TRIM66: variants seen among roughly 807,000 people sequenced by gnomAD.
The protein encoded by TRIM66 is tripartite motif-containing protein 66.
A neutral mutation model predicts 148.2 loss-of-function variants in TRIM66; 99 were observed. The observed-to-expected ratio is 0.67, with a 90% confidence interval of 0.57 to 0.79. The LOEUF is 0.79. TRIM66 is among the 30% of genes least tolerant of loss of function. TRIM66 has a pLI of 0.00. For synonymous variants in TRIM66, 616 were observed against 635.9 expected (o/e 0.97, Z 0.47); for missense variants, 1,666 against 1,697.9 (o/e 0.98, Z 0.33).
At chr11:8,681,364 A>T (rs980004579) in intron 1 of TRIM66, among the ~76,000 whole-genome samples, 1 of 151,894 alleles carries the variant, frequency 6.6e-6, no homozygotes. Context: ...CGATCTCCTG[A>T]CCTCGTGATC....
At chr11:8,618,533 C>G (rs1001312771) in intron 24 of TRIM66, among the ~76,000 whole-genome samples, 1 of 152,174 alleles carries the variant, frequency 6.6e-6, no homozygotes, top group Non-Finnish European at 1.5e-5. Context: ...TGGGCAGGGA[C>G]AGGCACCTTT....
Position 8,624,406 on chromosome 11 carries a change from G to A in TRIM66, c.2972C>T (p.Pro991Leu), listed in dbSNP as rs921461648. 9 of 1,551,462 alleles carry A rather than the reference G, an allele frequency of 5.8e-6. No individual in the cohort carries two copies. The highest frequency in any genetic ancestry group is 4.1e-5 in the African/African-American group (3 of 73,006). ...NLSVKKPPLA[P>L]VVSTSTALQQ... ...CAGAGCTGTAGACGTGCTGACCACT[G>A]GCGCCAGTGGAGGTTTCTTCACAGA... is the stretch of plus-strand genomic sequence containing the variant. The change falls in exon 17 of 25, where the codon CCA (proline) becomes CTA (leucine). Residue 991 changes from proline (P) to leucine (L), a missense_variant. Transcript: ENST00000646038.
chr11:8,622,644 A>G (rs1293323191), intron 18 of TRIM66, among the ~76,000 whole-genome samples, 172 bp downstream of exon 18: 1 of 152,098 alleles, frequency 6.6e-6, no homozygotes, highest in East Asian at 1.9e-4. Flanking sequence ...GAGCCAGGAC[A>G]TCCTCCCACA....
chr11:8,620,912 A>T, intron 20 of TRIM66, 120 bp downstream of exon 20: 1 of 1,309,706 alleles, frequency 7.6e-7, no homozygotes, highest in Non-Finnish European at 1.0e-6. Context: ...CTGCAATTCA[A>T]GCAGGTCCAG....
At chr11:8,627,348 G>A (rs1288515111) in intron 15 of TRIM66, among the ~76,000 whole-genome samples, 1 of 152,126 alleles carries the variant, frequency 6.6e-6, no homozygotes, top group African/African-American at 2.4e-5. Flanking sequence ...TAGTCTATGA[G>A]TCTCTCTAAA....
At chr11:8,659,747 T>C in intron 6 of TRIM66, among the ~76,000 whole-genome samples, 1 of 152,146 alleles carries the variant, frequency 6.6e-6, no homozygotes, top group East Asian at 1.9e-4. Context: ...CCAGCACTGG[T>C]TCAAGGCCCA....
upstream of TRIM66, chr11:8,682,983 G>T (rs2039515561): frequency 3.0e-6 from 3 of 1,000,442 alleles, no homozygotes; most frequent in Non-Finnish European, 4.4e-6. Flanking sequence ...GGCTCCCGGA[G>T]CCGTGTGTTA....
At position 8,640,380 on chromosome 11, in the gene TRIM66, G is replaced by A. The variant is rs2036259261; in HGVS notation, c.1995C>T (p.Asp665=). ...GTTGAGCCTGGAGAAGAAGCTCCAA[G>A]TCCTTCTGCATTTCCTCCAGCTCAA... ...HKFELEEMQK[D]LELLLQAQQP... Residue 665 remains aspartate (D), a synonymous_variant, in exon 14 of 25, where the codon GAC becomes GAT. Transcript: ENST00000646038. The A allele has an allele frequency of 6.4e-7, 1 of 1,551,780 alleles. No individual in the cohort carries two copies. The highest frequency in any genetic ancestry group is 8.7e-7 in the Non-Finnish European group (1 of 1,147,070).
intron 6 of TRIM66, among the ~76,000 whole-genome samples, chr11:8,654,781 A>G (rs1313572722): frequency 1.3e-5 from 2 of 152,188 alleles, no homozygotes; most frequent in African/African-American, 2.4e-5. Context: ...ACTGCTGTAC[A>G]TTGTTTTGCT....
chr11:8,658,398 C>T (rs1005385101), intron 6 of TRIM66, among the ~76,000 whole-genome samples: 1 of 152,200 alleles, frequency 6.6e-6, no homozygotes, highest in African/African-American at 2.4e-5. Flanking sequence ...GGAGACAGCA[C>T]TCTCAGCCTT....
At chr11:8,648,667 G>C in intron 8 of TRIM66, 119 bp from the exon 9 acceptor site, 1 of 1,266,834 alleles carries the variant, frequency 7.9e-7, no homozygotes, top group South Asian at 1.5e-5. Flanking sequence ...GAGCTCGGGG[G>C]AAGTGTTATA....
At chr11:8,671,631 C>A in intron 6 of TRIM66, 155 bp downstream of exon 6, 2 of 597,070 alleles carry the variant, frequency 3.3e-6, no homozygotes, top group Non-Finnish European at 6.0e-6. Flanking sequence ...AGGATTCACT[C>A]TGTCTCACAG....
At chr11:8,631,784 G>C in intron 15 of TRIM66, among the ~76,000 whole-genome samples, 1 of 152,184 alleles carries the variant, frequency 6.6e-6, no homozygotes, top group East Asian at 1.9e-4. Flanking sequence ...AAGAACACCG[G>C]CTAGATACCC....
intron 1 of TRIM66, among the ~76,000 whole-genome samples, chr11:8,681,489 AAAAT>A (rs1217598633): frequency 1.3e-5 from 2 of 152,212 alleles, no homozygotes; most frequent in Non-Finnish European, 2.9e-5. Flanking sequence ...AAGACAAAGA[AAAAT>A]AAATAAATAC....
intron 17 of TRIM66, 95 bp downstream of exon 17, chr11:8,624,264 T>C: frequency 7.2e-7 from 1 of 1,383,008 alleles, no homozygotes; most frequent in Non-Finnish European, 9.8e-7. Context: ...CTTCCCCAGC[T>C]TAGAGCTTGT....
chr11:8,677,649 A>G (rs2039239669), intron 3 of TRIM66, among the ~76,000 whole-genome samples: 1 of 152,098 alleles, frequency 6.6e-6, no homozygotes, highest in Non-Finnish European at 1.5e-5. Context: ...TAGGAAATGA[A>G]CCCAACTTTC....
rs1446835441 is a variant in TRIM66 at position 8,625,064 on chromosome 11, C to T, written c.2475G>A (p.Met825Ile). 3.2e-6 allele frequency: 5 copies of T among 1,551,580 alleles called. No individual in the cohort carries two copies. Among genetic ancestry groups the T allele is most frequent in the African/African-American group, 1.4e-5 (1 of 73,032 alleles). ...TTTGAACACTTGTCAGGCTGGACAC[C>T]ATTTTGGGGGGAGCACTCAGCAGGC... Reference protein sequence around the residue: ...VPSLLSAPPKMVSSLTSVQNQ... With the variant: ...VPSLLSAPPKIVSSLTSVQNQ... Residue 825 changes from methionine (M) to isoleucine (I), a missense_variant, in exon 16 of 25, where the codon ATG becomes ATA. Around this residue, in one of 3 missense-constraint regions of TRIM66, gnomAD observed 1,431 missense variants for 1,412.4 expected, o/e 1.01. Transcript: ENST00000646038.
Position 8,638,831 on chromosome 11 carries a change from A to G in TRIM66, c.2149-16T>C. 1 of 1,549,230 alleles carries G rather than the reference A, an allele frequency of 6.5e-7. No homozygotes were observed. The highest frequency in any genetic ancestry group is 8.7e-7 in the Non-Finnish European group (1 of 1,146,380). On this transcript the variant is annotated splice_polypyrimidine_tract_variant and intron_variant, in intron 14 of 24. Coordinates refer to ENST00000646038, the MANE Select transcript of TRIM66 (RefSeq NM_001388022.1). ...CATCTGTAGCCTGGAGAAGAAAATA[A>G]GAACTTGGGTGGGTTTTACTGCAGA...
intron 6 of TRIM66, among the ~76,000 whole-genome samples, chr11:8,657,678 C>G (rs534809919): frequency 1.3e-5 from 2 of 152,100 alleles, no homozygotes; most frequent in African/African-American, 4.8e-5. Context: ...TGCCCTCCCA[C>G]CCCCGGGCAG....
Sources: gnomAD v4.1 joint callset for allele counts (sites outside exome capture counted in the v4.1 genomes callset) on GRCh38, gnomAD v4.1.1 for gene constraint, gnomAD v4.1.1 regional missense constraint, MANE v1.5 for transcripts, NCBI Gene and HGNC (gene_info 2026-07-23, HGNC 2026-07-21) for gene names.